TBC1D1: variants seen among roughly 807,000 people sequenced by gnomAD.
TBC1D1 encodes TBC1 domain family member 1.
In TBC1D1, 89 loss-of-function variants were observed where a neutral mutation model predicts 125.6. The ratio of observed to expected loss-of-function variants is 0.71; its 90% CI spans 0.60 to 0.85. TBC1D1 has a LOEUF of 0.85. Among genes scored for constraint, TBC1D1 ranks in the 40% least tolerant of loss-of-function variants. The pLI is 0.00. For synonymous variants in TBC1D1, 565 were observed against 564.1 expected (o/e 1.00, Z -0.02); for missense variants, 1,377 against 1,469.2 (o/e 0.94, Z 1.03).
At chr4:37,982,567 T>G (rs192134243) in intron 2 of TBC1D1, among the ~76,000 whole-genome samples, 1 of 152,114 alleles carries the variant, frequency 6.6e-6, no homozygotes, top group Admixed American at 6.6e-5. Flanking sequence ...GGCAGCTGTG[T>G]TTTGGGCTTT....
intron 15 of TBC1D1, among the ~76,000 whole-genome samples, chr4:38,109,828 G>T (rs764100961): frequency 6.6e-6 from 1 of 152,222 alleles, no homozygotes; most frequent in African/African-American, 2.4e-5. Flanking sequence ...AAGGGTGTTT[G>T]TATCCTCAGT....
At chr4:37,903,235 G>T (rs1388842593) in intron 2 of TBC1D1, among the ~76,000 whole-genome samples, 1 of 152,178 alleles carries the variant, frequency 6.6e-6, no homozygotes, top group Non-Finnish European at 1.5e-5. Context: ...CATGGTAAAA[G>T]TTCTGCTCTT....
In TBC1D1 at chr4:38,035,625, T is replaced by G; in HGVS notation, c.1340T>G (p.Leu447Trp). Reference sequence around the variant, plus strand: ...AGAAATGAGCAGCGAGAGAATGAATTGATTATTTCTTTTCTGAGATGTTTA... The same window carrying G: ...AGAAATGAGCAGCGAGAGAATGAATGGATTATTTCTTTTCTGAGATGTTTA... The change falls in exon 8 of 20, where the codon TTG becomes TGG. Residue 447 changes from leucine to tryptophan, a missense_variant. Coordinates refer to ENST00000261439, the MANE Select transcript of TBC1D1 (RefSeq NM_015173.4). 6.2e-7 allele frequency: 1 copy of G among 1,613,866 alleles called. No homozygotes were observed. Among genetic ancestry groups the G allele is most frequent in the Non-Finnish European group, 8.5e-7 (1 of 1,179,820 alleles).
intron 2 of TBC1D1, among the ~76,000 whole-genome samples, chr4:37,990,024 A>G (rs1053543373): frequency 6.6e-6 from 1 of 152,264 alleles, no homozygotes; most frequent in Admixed American, 6.5e-5. Context: ...TGCCCAAGGC[A>G]GAGAATTAGC....
rs1424767512 is a variant in TBC1D1, at chr4:38,014,051, C to T, written c.418-458C>T. ...AAGAAGACTTTCCAAAGTATACTGC[C>T]ATGAGATCTAGAATAATTGAGTCAT... On this transcript the variant is annotated intron_variant, in intron 2 of 19. Coordinates refer to ENST00000261439, the MANE Select transcript of TBC1D1 (RefSeq NM_015173.4). The surrounding 1 kb of genome is among the most constrained non-coding windows in gnomAD (Gnocchi z 5.1). Among the ~76,000 whole-genome samples, 1 of 152,200 alleles carries T rather than the reference C, an allele frequency of 6.6e-6. No homozygotes were observed. Among genetic ancestry groups the T allele is most frequent in the Non-Finnish European group, 1.5e-5 (1 of 68,034 alleles).
chr4:38,074,757 T>A (rs1241041703), intron 12 of TBC1D1, among the ~76,000 whole-genome samples: 1 of 143,696 alleles, frequency 7.0e-6, no homozygotes, highest in African/African-American at 2.7e-5. Context: ...TTTCTTAGTC[T>A]CTCTCTCTTT....
At chr4:37,899,697 T>G (rs1209994299) in intron 1 of TBC1D1, among the ~76,000 whole-genome samples, 1 of 151,988 alleles carries the variant, frequency 6.6e-6, no homozygotes, top group Non-Finnish European at 1.5e-5. Flanking sequence ...CACCAAAAGA[T>G]TAGGTGAGAT....
chr4:37,902,362 C>G lies in TBC1D1; in HGVS notation c.267C>G (p.Ile89Met), dbSNP rs112861825. The G allele has an allele frequency of 4.3e-6, 7 of 1,614,214 alleles. No individual in the cohort carries two copies. Among genetic ancestry groups the G allele is most frequent in the Middle Eastern group, 1.6e-4 (1 of 6,062 alleles). ...GAAGTCAACAGTGGGATCCCCTGAT[C>G]TATTCCAGCATCTTTGAGTGCAAGC... The change falls in exon 2 of 20, where the codon ATC (isoleucine) becomes ATG (methionine). Residue 89 changes from isoleucine (I) to methionine (M), a missense_variant. Transcript: ENST00000261439.
In TBC1D1 at chr4:37,964,955, G is replaced by A. The variant is rs529666265; in HGVS notation, c.418-49554G>A. 6.6e-5 allele frequency among the ~76,000 whole-genome samples: 10 copies of A among 152,354 alleles called. No individual in the cohort carries two copies. The East Asian group carries it at 1.7e-3, about 26-fold the overall frequency. ...TAGAGAACCTCTCTTGGCCATGCCA[G>A]CTCCCTGAAATCTTAGAGCATGAAG... is the stretch of plus-strand genomic sequence containing the variant. On this transcript the variant is annotated intron_variant, in intron 2 of 19. Transcript: ENST00000261439.
intron 2 of TBC1D1, among the ~76,000 whole-genome samples, chr4:37,960,253 C>A (rs1489350036): frequency 6.6e-6 from 1 of 152,158 alleles, no homozygotes; most frequent in Non-Finnish European, 1.5e-5. Context: ...AGATTCCTAC[C>A]CAGGTTTGTC....
chr4:38,047,967 T>C (rs924753227), intron 10 of TBC1D1, among the ~76,000 whole-genome samples: 2 of 152,184 alleles, frequency 1.3e-5, no homozygotes, highest in Non-Finnish European at 2.9e-5. Flanking sequence ...TCTAGGAATA[T>C]ATACATATTC....
At chr4:38,034,977 T>A (rs570560505) in intron 7 of TBC1D1, among the ~76,000 whole-genome samples, 1 of 152,340 alleles carries the variant, frequency 6.6e-6, no homozygotes, top group Non-Finnish European at 1.5e-5. Flanking sequence ...TTCACACTTC[T>A]CGGCAGCAGC....
chr4:38,054,652 G>A (rs1026155486), intron 12 of TBC1D1, among the ~76,000 whole-genome samples: 1 of 152,178 alleles, frequency 6.6e-6, no homozygotes, highest in Non-Finnish European at 1.5e-5. Context: ...AGGACATAAG[G>A]CAAAAGGAGA....
intron 2 of TBC1D1, chr4:37,952,014 A>G (rs2152319214): frequency 1.4e-6 from 1 of 717,716 alleles, no homozygotes; most frequent in Non-Finnish European, 2.6e-6. Flanking sequence ...AGTGCTCATC[A>G]TCACTGTAGG....
intron 6 of TBC1D1, among the ~76,000 whole-genome samples, chr4:38,024,872 CTA>C (rs905615377): frequency 2.6e-5 from 4 of 152,150 alleles, no homozygotes; most frequent in Admixed American, 2.0e-4. Flanking sequence ...ACTTAAAAGA[CTA>C]TGTTTTCTTA....
chr4:38,137,494 T>C lies in TBC1D1; in HGVS notation c.*159T>C, dbSNP rs1766839867. On this transcript the variant is annotated 3_prime_UTR_variant, in exon 20 of 20. Transcript: ENST00000261439. ...GATTCTTACGAACTCCAACTTGCAA[T>C]TCAGGGGGCATGTCCCAGTGTTTTT... 2.8e-6 allele frequency: 3 copies of C among 1,060,170 alleles called. No homozygotes were observed. The highest frequency in any genetic ancestry group is 3.7e-6 in the Non-Finnish European group (3 of 810,672). 65.7% of individuals were successfully genotyped at this position (1,060,170 alleles called of 1,614,324 possible). A position where few individuals can be genotyped will look rare whatever the true frequency, so the allele number is the denominator to read the frequency against.
chr4:37,934,442 G>A (rs926610905), intron 2 of TBC1D1, among the ~76,000 whole-genome samples: 5 of 152,140 alleles, frequency 3.3e-5, no homozygotes, highest in African/African-American at 4.8e-5. Flanking sequence ...GGGAGGGAGC[G>A]AAGAGAGTAA....
chr4:38,086,521 A>G (rs1757511158), intron 12 of TBC1D1, among the ~76,000 whole-genome samples: 1 of 152,182 alleles, frequency 6.6e-6, no homozygotes, highest in Admixed American at 6.5e-5. Context: ...TATTTAGTTC[A>G]TGTAGAGGTG....
At chr4:38,050,372 G>A (rs1194400580) in intron 11 of TBC1D1, among the ~76,000 whole-genome samples, 1 of 152,194 alleles carries the variant, frequency 6.6e-6, no homozygotes, top group Non-Finnish European at 1.5e-5. Flanking sequence ...TGACCTGGAC[G>A]AATTTGCTAA....
Sources: allele counts gnomAD v4.1 joint callset (sites outside exome capture counted in the v4.1 genomes callset), GRCh38; gene constraint gnomAD v4.1.1; non-coding constraint Gnocchi (gnomAD v3.1); transcripts MANE v1.5; gene names NCBI Gene and HGNC (gene_info 2026-07-23, HGNC 2026-07-21).